RDH10: variants seen among roughly 807,000 people sequenced by gnomAD.
RDH10 encodes retinol dehydrogenase 10 (all-trans).
A neutral mutation model predicts 30.2 loss-of-function variants in RDH10; 12 were observed. The ratio of observed to expected loss-of-function variants is 0.40; its 90% confidence interval spans 0.25 to 0.64. The LOEUF is 0.64. RDH10 is among the 30% of genes least tolerant of loss of function. The pLI is 0.43. For missense variants in RDH10, 268 were observed against 445.2 expected, an observed-to-expected ratio of 0.60 and a Z score of 3.58; for synonymous variants, 189 against 172.2, an observed-to-expected ratio of 1.10 and a Z score of -0.76.
At chr8:73,307,168 G>C (rs1814478668) in intron 2 of RDH10, among the ~76,000 whole-genome samples, 1 of 151,094 alleles carries the variant, frequency 6.6e-6, no homozygotes, top group Non-Finnish European at 1.5e-5. Context: ...ATAGTAAAAT[G>C]GGACTGATAA....
intron 2 of RDH10, among the ~76,000 whole-genome samples, chr8:73,309,679 G>A (rs1217997333): frequency 1.4e-5 from 2 of 147,664 alleles, no homozygotes; most frequent in East Asian, 2.0e-4. Context: ...ATTACAATAT[G>A]AGAATGAAAA....
At chr8:73,322,597 C>T in intron 4 of RDH10, 82 bp from the exon 5 acceptor site, 2 of 1,128,656 alleles carry the variant, frequency 1.8e-6, no homozygotes, top group South Asian at 1.5e-5. Flanking sequence ...CAGATAACAT[C>T]ACTGTTAATG....
intron 2 of RDH10, among the ~76,000 whole-genome samples, chr8:73,316,130 C>A (rs1353864685): frequency 6.6e-6 from 1 of 152,130 alleles, no homozygotes; most frequent in Non-Finnish European, 1.5e-5. Context: ...GATCTGTCTA[C>A]CCCAGCCTCC....
rs564897800 is a variant in RDH10 at position 73,312,079 on chromosome 8, C to A, written c.526-7017C>A. ...GGTCAGTATACTTAATAAGTAGATA[C>A]CTTTAGAGGTACTTTAGCCATATTT... On this transcript the variant is annotated intron_variant, in intron 2 of 5. Transcript: ENST00000240285. The A allele has an allele frequency of 3.9e-5, 6 of 152,002 alleles. No individual in the cohort carries two copies. The East Asian group carries it at 7.7e-4, about 20-fold the overall frequency. The allele number at this position is 152,002 out of a possible 1,614,324, so 9.4% of individuals were successfully genotyped here.
chr8:73,300,175 A>G (rs1382731589), intron 2 of RDH10, among the ~76,000 whole-genome samples: 4 of 152,240 alleles, frequency 2.6e-5, no homozygotes, highest in Non-Finnish European at 5.9e-5. Flanking sequence ...TATTTTCAAT[A>G]TTGAGTCAGA....
intron 2 of RDH10, among the ~76,000 whole-genome samples, chr8:73,315,157 T>TC (rs1377075751): frequency 9.4e-5 from 8 of 85,538 alleles, no homozygotes; most frequent in African/African-American, 2.9e-4. Flanking sequence ...TCTCTCTCTC[T>TC]CTCCCCCCAC....
intron 2 of RDH10, among the ~76,000 whole-genome samples, chr8:73,306,586 T>C (rs972114648): frequency 6.6e-5 from 10 of 152,266 alleles, no homozygotes; most frequent in Non-Finnish European, 1.5e-4. Flanking sequence ...TGCCGCAACC[T>C]TGAGTGCTGT....
Position 73,295,210 on chromosome 8 carries a change from C to T in RDH10, c.-80C>T, listed in dbSNP as rs1209198388. On this transcript the variant is annotated 5_prime_UTR_variant, in exon 1 of 6. Coordinates refer to ENST00000240285, the MANE Select transcript of RDH10 (RefSeq NM_172037.5). Reference sequence around the variant, plus strand: ...GTCCCGGCCTCTGTGACAAGCGCCCCGGAGCCGGGAGCCCGATTGCCGGGC... The same window carrying T: ...GTCCCGGCCTCTGTGACAAGCGCCCTGGAGCCGGGAGCCCGATTGCCGGGC... 3 of 1,343,576 alleles carry T rather than the reference C, an allele frequency of 2.2e-6. No individual in the cohort carries two copies. Among genetic ancestry groups the T allele is most frequent in the South Asian group, 1.5e-5 (1 of 67,056 alleles). The allele number at this position is 1,343,576 out of a possible 1,614,324, so 83.2% of individuals were successfully genotyped here.
intron 2 of RDH10, chr8:73,313,050 T>G (rs1814597743): frequency 6.6e-6 from 1 of 152,232 alleles, no homozygotes; most frequent in Admixed American, 6.5e-5. Context: ...ACCTACACCT[T>G]TAAAATGTCA....
chr8:73,301,476 G>T (rs1363085025), intron 2 of RDH10, among the ~76,000 whole-genome samples: 1 of 151,828 alleles, frequency 6.6e-6, no homozygotes, highest in South Asian at 2.1e-4. Flanking sequence ...AAGCATTATG[G>T]GCTGGGCACG....
At chr8:73,298,975 C>T (rs1040227984) in intron 2 of RDH10, among the ~76,000 whole-genome samples, 8 of 152,070 alleles carry the variant, frequency 5.3e-5, no homozygotes, top group Admixed American at 3.9e-4. Flanking sequence ...CCACCACGCC[C>T]GGCTAATTTT....
intron 2 of RDH10, among the ~76,000 whole-genome samples, chr8:73,313,964 G>C (rs964227124): frequency 6.6e-6 from 1 of 152,120 alleles, no homozygotes; most frequent in East Asian, 1.9e-4. Context: ...CAAATTATCT[G>C]TGCTGCCCTC....
Position 73,322,815 on chromosome 8 carries a change from C to T in RDH10, c.902+5C>T. 6.2e-7 allele frequency: 1 copy of T among 1,614,186 alleles called. No homozygotes were observed. The highest frequency in any genetic ancestry group is 8.5e-7 in the Non-Finnish European group (1 of 1,180,026). Reference sequence around the variant, plus strand: ...CATCGTGACCTTCATGAAGAGGTAACTGGGAGGGGTTCCCTCACTGACTGG... The same window carrying T: ...CATCGTGACCTTCATGAAGAGGTAATTGGGAGGGGTTCCCTCACTGACTGG... On this transcript the variant is annotated splice_donor_5th_base_variant and intron_variant, in intron 5 of 5. Transcript: ENST00000240285.
Position 73,294,650 on chromosome 8 carries a change from C to T in RDH10, c.-640C>T. 1 of 344,408 alleles carries T rather than the reference C, an allele frequency of 2.9e-6. No individual in the cohort carries two copies. The highest frequency in any genetic ancestry group is 5.2e-6 in the Non-Finnish European group (1 of 191,906). 21.3% of individuals were successfully genotyped at this position (344,408 alleles called of 1,614,324 possible). A position where few individuals can be genotyped will look rare whatever the true frequency, so the allele number is the denominator to read the frequency against. ...CTTGCAAGCGGGCTGCGCTGCGGAG[C>T]CCAGTGCCCGAGTGACACCCGCGGA... On this transcript the variant is annotated 5_prime_UTR_variant, in exon 1 of 6. Coordinates refer to ENST00000240285, the MANE Select transcript of RDH10 (RefSeq NM_172037.5).
chr8:73,314,018 C>A (rs1046025745), intron 2 of RDH10, among the ~76,000 whole-genome samples: 1 of 152,200 alleles, frequency 6.6e-6, no homozygotes, highest in Non-Finnish European at 1.5e-5. Context: ...ATACCAAAGC[C>A]GTTTGGCTGT....
chr8:73,319,056 A>G lies in RDH10; in HGVS notation c.526-40A>G, dbSNP rs772268445. The G allele has an allele frequency of 3.6e-6, 5 of 1,372,272 alleles. No individual in the cohort carries two copies. In the Admixed American group the frequency reaches 7.1e-5, roughly 20 times the overall value. 85.0% of individuals were successfully genotyped at this position (1,372,272 alleles called of 1,614,324 possible). A position where few individuals can be genotyped will look rare whatever the true frequency, so the allele number is the denominator to read the frequency against. On this transcript the variant is annotated intron_variant, in intron 2 of 5. Coordinates refer to ENST00000240285, the MANE Select transcript of RDH10 (RefSeq NM_172037.5). ...CTGGACTGGGTTTTAGATGAAATTC[A>G]TGAAATCAGTTCTAAAACTTGAATC...
chr8:73,301,402 T>C (rs141105954), intron 2 of RDH10, among the ~76,000 whole-genome samples: 1 of 152,024 alleles, frequency 6.6e-6, no homozygotes, highest in East Asian at 1.9e-4. Context: ...TAGGCTTAAA[T>C]ATTTAGAAGA....
At chr8:73,300,979 C>G (rs1814362343) in intron 2 of RDH10, among the ~76,000 whole-genome samples, 1 of 151,456 alleles carries the variant, frequency 6.6e-6, no homozygotes, top group Admixed American at 6.6e-5. Flanking sequence ...AGATGGCAAG[C>G]TGTCTGAAGG....
At chr8:73,296,962 AC>A in intron 1 of RDH10, 1 of 491,454 alleles carries the variant, frequency 2.0e-6, no homozygotes, top group Non-Finnish European at 3.7e-6. Context: ...CAATTACATG[AC>A]TTTCCCCTAA....
Sources: gnomAD v4.1 joint callset for allele counts (sites outside exome capture counted in the v4.1 genomes callset) on GRCh38, gnomAD v4.1.1 for gene constraint, MANE v1.5 for transcripts, NCBI Gene and HGNC (gene_info 2026-07-23, HGNC 2026-07-21) for gene names.